Variants in DOCK8 observed in about 807,000 individuals in gnomAD.
The protein encoded by DOCK8 is dedicator of cytokinesis protein 8.
A neutral mutation model predicts 245.6 loss-of-function variants in DOCK8; 141 were observed. The ratio of observed to expected loss-of-function variants is 0.57; its 90% CI spans 0.50 to 0.66. The LOEUF (loss-of-function observed/expected upper bound fraction) is 0.66, where lower values mean the gene tolerates loss of function less well. DOCK8 is among the 30% of genes least tolerant of loss of function. The probability of loss-of-function intolerance (pLI) is 0.00; values close to 1 mark genes in which losing one functional copy is unlikely to be tolerated. For synonymous variants in DOCK8, 1,168 were observed against 970.2 expected (o/e 1.20, Z -3.79); for missense variants, 2,965 against 2,603.4 (o/e 1.14, Z -3.02).
chr9:286,932 G>C (rs1282014722), intron 3 of DOCK8, among the ~76,000 whole-genome samples: 4 of 152,294 alleles, frequency 2.6e-5, no homozygotes, highest in South Asian at 2.1e-4. Context: ...AGACCACCTG[G>C]CTGCCAGCTC....
intron 16 of DOCK8, among the ~76,000 whole-genome samples, chr9:371,038 A>T (rs2053263558): frequency 6.6e-6 from 1 of 152,040 alleles, no homozygotes; most frequent in South Asian, 2.1e-4. Flanking sequence ...ATTTGCTTCT[A>T]CTCTTTGATG....
intron 12 of DOCK8, 49 bp from the exon 13 acceptor site, chr9:338,957 C>T (rs1385285451): frequency 6.6e-7 from 1 of 1,524,992 alleles, no homozygotes; most frequent in Non-Finnish European, 9.1e-7. Flanking sequence ...TGTCCCCAAC[C>T]CAAGAGTCAA....
chr9:317,598 T>C (rs923952783), intron 7 of DOCK8, among the ~76,000 whole-genome samples: 4 of 152,214 alleles, frequency 2.6e-5, no homozygotes, highest in Non-Finnish European at 5.9e-5. Flanking sequence ...CGGAGATTAT[T>C]TGTAAAACAT....
At chr9:401,148 C>G (rs563504271) in intron 26 of DOCK8, among the ~76,000 whole-genome samples, 1 of 152,238 alleles carries the variant, frequency 6.6e-6, no homozygotes, top group South Asian at 2.1e-4. Flanking sequence ...CACTTAGTGA[C>G]TTTAGATAAG....
intron 1 of DOCK8, among the ~76,000 whole-genome samples, chr9:255,666 TCCAAAAA>T (rs879360645): frequency 9.8e-4 from 103 of 104,642 alleles, no homozygotes; most frequent in East Asian, 3.2e-3. Flanking sequence ...AGACTCCATC[TCCAAAAA>T]AAAAAAAAAA....
intron 1 of DOCK8, among the ~76,000 whole-genome samples, chr9:249,576 G>C (rs1300848379): frequency 6.6e-6 from 1 of 151,962 alleles, no homozygotes; most frequent in African/African-American, 2.4e-5. Flanking sequence ...ACTCTTAATA[G>C]TTTAGCATGC....
intron 46 of DOCK8, among the ~76,000 whole-genome samples, chr9:461,527 ATTTTTTTTTTTTT>A (rs530827485): frequency 5.9e-5 from 4 of 67,286 alleles, no homozygotes; most frequent in Admixed American, 1.7e-4. Flanking sequence ...TAGCAACTGC[ATTTTTTTTTTTTT>A]TTTTTTTTTT....
intron 7 of DOCK8, among the ~76,000 whole-genome samples, chr9:322,661 C>T (rs968722813): frequency 5.3e-5 from 8 of 152,178 alleles, no homozygotes; most frequent in South Asian, 4.1e-4. Context: ...TTTTCTTTCT[C>T]GGAACCACAG....
At position 434,654 on chromosome 9, in the gene DOCK8, G is replaced by A. The variant is rs1041084370; in HGVS notation, c.4887-129G>A. The A allele has an allele frequency of 7.7e-6, 7 of 908,980 alleles. No homozygotes were observed. The African/African-American group carries it at 1.2e-4, about 15-fold the overall frequency. The allele number at this position is 908,980 out of a possible 1,614,324, so 56.3% of individuals were successfully genotyped here. Reference sequence around the variant, plus strand: ...TTCTGTCTCGTTTTCTGGAAATATAGGGCAAAATCTCAGGTGGAGGGGTAC... The same window carrying A: ...TTCTGTCTCGTTTTCTGGAAATATAAGGCAAAATCTCAGGTGGAGGGGTAC... On this transcript the variant is annotated intron_variant, in intron 38 of 47. Coordinates refer to ENST00000432829, the MANE Select transcript of DOCK8 (RefSeq NM_203447.4).
chr9:340,004 C>G (rs1195121000), intron 13 of DOCK8, among the ~76,000 whole-genome samples, 155 bp from the exon 14 acceptor site: 1 of 152,200 alleles, frequency 6.6e-6, no homozygotes, highest in African/African-American at 2.4e-5. Flanking sequence ...TCATGACACA[C>G]TTTTCTCAAG....
At chr9:277,465 A>AGAGGGGAGGGGAGGGGAGGGGAAGG (rs1563865198) in intron 2 of DOCK8, among the ~76,000 whole-genome samples, 3 of 64,678 alleles carry the variant, frequency 4.6e-5, no homozygotes, top group African/African-American at 2.7e-4. Context: ...AAGAGAGAAG[A>AGAGGGGAGGGGAGGGGAGGGGAAGG]GAAGAGAAGA....
At chr9:431,043 T>G (rs563090770) in intron 36 of DOCK8, among the ~76,000 whole-genome samples, 17 of 151,270 alleles carry the variant, frequency 1.1e-4, no homozygotes, top group African/African-American at 4.1e-4. Flanking sequence ...CAGCTAATTT[T>G]TTTTGCATTT....
chr9:391,820 TC>T (rs142387834), intron 24 of DOCK8, among the ~76,000 whole-genome samples: 1 of 133,746 alleles, frequency 7.5e-6, no homozygotes, highest in Non-Finnish European at 1.6e-5. Context: ...ATTAAGTGAA[TC>T]TTTTTTTTTT....
chr9:215,091 AGCTTC>A, intron 1 of DOCK8, 62 bp downstream of exon 1: 1 of 1,520,360 alleles, frequency 6.6e-7, no homozygotes, highest in Admixed American at 2.0e-5. Context: ...TGTGAAGCGG[AGCTTC>A]GCTGCAGGGG....
At chr9:314,706 T>C (rs1357684474) in intron 6 of DOCK8, among the ~76,000 whole-genome samples, 2 of 152,228 alleles carry the variant, frequency 1.3e-5, no homozygotes, top group Admixed American at 6.5e-5. Context: ...TTTGTATTTA[T>C]AATTTGTGCT....
At chr9:402,480 C>A (rs906980031) in intron 26 of DOCK8, among the ~76,000 whole-genome samples, 1 of 152,188 alleles carries the variant, frequency 6.6e-6, no homozygotes, top group African/African-American at 2.4e-5. Context: ...CCAGTGACAT[C>A]CACGGATGTT....
At chr9:420,704 C>G (rs943907842) in intron 31 of DOCK8, 121 bp downstream of exon 31, 1 of 1,354,390 alleles carries the variant, frequency 7.4e-7, no homozygotes, top group South Asian at 1.2e-5. Context: ...TTTCTGTATT[C>G]AAATCCATAA....
intron 1 of DOCK8, among the ~76,000 whole-genome samples, chr9:241,647 C>G (rs1380731664): frequency 6.6e-6 from 1 of 152,142 alleles, no homozygotes; most frequent in East Asian, 1.9e-4. Flanking sequence ...TAAGTTGATT[C>G]CATATCTTGG....
chr9:342,388 G>A (rs2051648450), intron 14 of DOCK8, among the ~76,000 whole-genome samples: 1 of 151,220 alleles, frequency 6.6e-6, no homozygotes, highest in Non-Finnish European at 1.5e-5. Flanking sequence ...TTTACCAATG[G>A]GAACTTTTTA....
Sources: allele counts gnomAD v4.1 joint callset (sites outside exome capture counted in the v4.1 genomes callset), GRCh38; gene constraint gnomAD v4.1.1; transcripts MANE v1.5; gene names NCBI Gene and HGNC (gene_info 2026-07-23, HGNC 2026-07-21).